The following SMAD2 variants were observed in gnomAD, a reference collection of about 807,000 sequenced individuals.
SMAD2 encodes the protein MAD homolog 2.
SMAD2 carries 8 observed loss-of-function variants against 64.4 expected under a neutral mutation model. That is an observed-to-expected ratio of 0.12 (90% CI 0.07 to 0.22). The LOEUF (loss-of-function observed/expected upper bound fraction) is 0.22, where lower values mean the gene tolerates loss of function less well. Ranked by LOEUF, SMAD2 falls within the 10% of genes least tolerant of loss-of-function variation. The pLI, the probability that SMAD2 is intolerant of heterozygous loss-of-function variation, is 1.00. For missense variants in SMAD2, 289 were observed against 561.2 expected (o/e 0.51, Z 4.90); for synonymous variants, 203 against 195.8 (o/e 1.04, Z -0.31).
intron 1 of SMAD2, among the ~76,000 whole-genome samples, chr18:47,923,017 C>T (rs1443683622): frequency 6.6e-6 from 1 of 151,096 alleles, no homozygotes; most frequent in East Asian, 1.9e-4. Context: ...TAGCAAAAGT[C>T]CACATTAAAT....
At chr18:47,856,002 G>A (rs894022410) in intron 6 of SMAD2, among the ~76,000 whole-genome samples, 8 of 152,060 alleles carry the variant, frequency 5.3e-5, no homozygotes, top group Admixed American at 4.6e-4. Flanking sequence ...AAGAAATGGA[G>A]GGTTATACAC....
intron 8 of SMAD2, among the ~76,000 whole-genome samples, chr18:47,846,611 T>G (rs1914514736): frequency 6.6e-6 from 1 of 152,120 alleles, no homozygotes; most frequent in Non-Finnish European, 1.5e-5. Context: ...AGAGACATTC[T>G]CCATTGCTGA....
At chr18:47,871,702 T>C (rs922663923) in intron 2 of SMAD2, among the ~76,000 whole-genome samples, 4 of 152,196 alleles carry the variant, frequency 2.6e-5, no homozygotes, top group Non-Finnish European at 5.9e-5. Context: ...TACCAGACTA[T>C]AAAAGCCAGA....
At position 47,918,688 on chromosome 18, in the gene SMAD2, C is replaced by G. The variant is rs1324895691; in HGVS notation, c.-54+11673G>C. Among the ~76,000 whole-genome samples, 4 of 152,208 alleles carry G rather than the reference C, an allele frequency of 2.6e-5. No individual in the cohort carries two copies. In the South Asian group the frequency reaches 8.3e-4, roughly 32 times the overall value. On this transcript the variant is annotated intron_variant, in intron 1 of 10. Transcript: ENST00000262160. ...AGACTGAGCAACCCTGAAGAAAGAG[C>G]AGCATGCTCTCAAAGGCAGCATTCA... is the stretch of plus-strand genomic sequence containing the variant.
At chr18:47,864,681 C>T (rs909047697) in intron 6 of SMAD2, among the ~76,000 whole-genome samples, 19 of 152,232 alleles carry the variant, frequency 1.2e-4, no homozygotes, top group African/African-American at 3.6e-4. Context: ...CCATCCTTCA[C>T]CCCCAAATTC....
chr18:47,859,824 A>G (rs2031023103), intron 6 of SMAD2, among the ~76,000 whole-genome samples: 1 of 152,358 alleles, frequency 6.6e-6, no homozygotes, highest in East Asian at 1.9e-4. Context: ...ATTACAAGAC[A>G]TTCTAATAAA....
At chr18:47,850,526 GTATAATATATGTTATATA>G (rs1232460370) in intron 7 of SMAD2, among the ~76,000 whole-genome samples, 12 of 14,112 alleles carry the variant, frequency 8.5e-4, no homozygotes, top group Admixed American at 1.2e-3. Flanking sequence ...TATATATTAT[GTATAATATATGTTATATA>G]TATAATATAT....
chr18:47,868,942 G>A (rs2031761158), intron 4 of SMAD2, among the ~76,000 whole-genome samples: 1 of 152,184 alleles, frequency 6.6e-6, no homozygotes. Context: ...GCTTGAAAAT[G>A]TTACTGCAGC....
intron 1 of SMAD2, among the ~76,000 whole-genome samples, chr18:47,901,881 G>A (rs2033699121): frequency 6.6e-6 from 1 of 152,112 alleles, no homozygotes; most frequent in South Asian, 2.1e-4. Context: ...TTCAGAATTT[G>A]GCAAATGTCT....
At chr18:47,904,476 T>C (rs2033823902) in intron 1 of SMAD2, among the ~76,000 whole-genome samples, 1 of 151,918 alleles carries the variant, frequency 6.6e-6, no homozygotes, top group East Asian at 1.9e-4. Context: ...GGAGGAAACA[T>C]TGCTACCACC....
intron 1 of SMAD2, chr18:47,923,505 G>A (rs961461179): frequency 6.6e-6 from 1 of 152,188 alleles, no homozygotes; most frequent in African/African-American, 2.4e-5. Flanking sequence ...TTAACATTCA[G>A]TTTCTCAGTC....
At chr18:47,884,279 T>C (rs1187675704) in intron 2 of SMAD2, among the ~76,000 whole-genome samples, 1 of 152,206 alleles carries the variant, frequency 6.6e-6, no homozygotes, top group Non-Finnish European at 1.5e-5. Flanking sequence ...GCACCAACTA[T>C]GTACCAAGCT....
At chr18:47,898,450 A>T (rs1418698006) in intron 1 of SMAD2, among the ~76,000 whole-genome samples, 1 of 152,226 alleles carries the variant, frequency 6.6e-6, no homozygotes, top group Non-Finnish European at 1.5e-5. Context: ...AAACATTTTT[A>T]AAGGAAAAAA....
chr18:47,878,457 C>A (rs2032393092), intron 2 of SMAD2: 1 of 152,062 alleles, frequency 6.6e-6, no homozygotes, highest in South Asian at 2.1e-4. Context: ...AGTGAGACCC[C>A]ATCTCTACAA....
In SMAD2 at chr18:47,821,596, C is replaced by G. The variant is rs559853548; in HGVS notation, c.*20231G>C. The stretch of plus-strand genomic sequence containing the variant: ...AACCTTGGAAATACTCTTCCTGTGT[C>G]TGATTAAATTCAAGTACCTTTTCAT... On this transcript the variant is annotated 3_prime_UTR_variant, in exon 11 of 11. Coordinates refer to ENST00000262160, the MANE Select transcript of SMAD2 (RefSeq NM_005901.6). The G allele has an allele frequency of 2.0e-4, 30 of 152,340 alleles. No homozygotes were observed. Among genetic ancestry groups the G allele is most frequent in the Admixed American group, 8.5e-4 (13 of 15,308 alleles). The allele number at this position is 152,340 out of a possible 1,614,324, so 9.4% of individuals were successfully genotyped here.
At chr18:47,878,872 G>A (rs545424295) in intron 2 of SMAD2, among the ~76,000 whole-genome samples, 6 of 152,290 alleles carry the variant, frequency 3.9e-5, no homozygotes, top group Non-Finnish European at 7.4e-5. Flanking sequence ...GCTCTCTCAT[G>A]TATCTACTTA....
intron 2 of SMAD2, among the ~76,000 whole-genome samples, chr18:47,885,778 A>G (rs905961881): frequency 2.0e-5 from 3 of 152,178 alleles, no homozygotes; most frequent in South Asian, 2.1e-4. Flanking sequence ...ACTAGGCAAC[A>G]TGATGAAACC....
Position 47,809,729 on chromosome 18 carries a change from CCT to C in SMAD2, c.*32096_*32097del, listed in dbSNP as rs1829409228. ...TTTCCCCATTACTAAGCTCCCGCCCCCTGACCCTCTCTTTGCCTGAAGATGAA... is the reference window on the plus strand; with the variant it reads ...TTTCCCCATTACTAAGCTCCCGCCCCGACCCTCTCTTTGCCTGAAGATGAA... On this transcript the variant is annotated 3_prime_UTR_variant, in exon 11 of 11. Transcript: ENST00000262160. 1 of 152,224 alleles carries C rather than the reference CCT, an allele frequency of 6.6e-6. No individual in the cohort carries two copies. Among genetic ancestry groups the C allele is most frequent in the African/African-American group, 2.4e-5 (1 of 41,454 alleles). The allele number at this position is 152,224 out of a possible 1,614,324, so 9.4% of individuals were successfully genotyped here.
At chr18:47,885,698 A>AT (rs2032865290) in intron 2 of SMAD2, among the ~76,000 whole-genome samples, 1 of 152,164 alleles carries the variant, frequency 6.6e-6, no homozygotes, top group Non-Finnish European at 1.5e-5. Flanking sequence ...ATGGTGACTC[A>AT]CGCTTGTAAT....
Sources: gnomAD v4.1 joint callset for allele counts (sites outside exome capture counted in the v4.1 genomes callset) on GRCh38, gnomAD v4.1.1 for gene constraint, MANE v1.5 for transcripts, NCBI Gene and HGNC (gene_info 2026-07-23, HGNC 2026-07-21) for gene names.